Variants in KCNQ1 observed in about 807,000 individuals in gnomAD.
KCNQ1 encodes potassium voltage-gated channel subfamily KQT member 1.
KCNQ1 carries 49 observed loss-of-function variants against 72.4 expected under a neutral mutation model. That is an observed-to-expected ratio of 0.68 (90% CI 0.54 to 0.86). The LOEUF (loss-of-function observed/expected upper bound fraction) is 0.86, where lower values mean the gene tolerates loss of function less well. KCNQ1 is among the 40% of genes least tolerant of loss of function. KCNQ1 has a pLI of 0.00. For synonymous variants in KCNQ1, 450 were observed against 412.6 expected, an observed-to-expected ratio of 1.09 and a Z score of -1.10; for missense variants, 790 against 945.1, an observed-to-expected ratio of 0.84 and a Z score of 2.15.
In KCNQ1 at chr11:2,826,723, G is replaced by A. The variant is rs566036031; in HGVS notation, c.1795-21044G>A. Among the ~76,000 whole-genome samples the A allele has an allele frequency of 5.2e-4, 79 of 152,328 alleles. No individual in the cohort carries two copies. Among genetic ancestry groups the A allele is most frequent in the East Asian group, 1.9e-4 (1 of 5,188 alleles). ...CACGGGGCTCCCCTGGGCACCCCTC[G>A]TCTTGGGGCCCCTGCCCTGCCTCCA... On this transcript the variant is annotated intron_variant, in intron 15 of 15. Transcript: ENST00000155840. This position sits in a 1 kb window ranked among gnomAD's most constrained non-coding sequence, Gnocchi z 4.2.
chr11:2,630,721 AT>A, intron 10 of KCNQ1: 5 of 398,404 alleles, frequency 1.3e-5, no homozygotes, highest in African/African-American at 2.1e-5. Context: ...TCATCCTTCC[AT>A]TTAAGCCTGA....
Position 2,458,498 on chromosome 11 carries a change from T to C in KCNQ1, c.386+13014T>C, listed in dbSNP as rs1172203431. ...CAGATGCCTGAGGCGGCAGTGCTGC[T>C]GAAGTCCTGCCAGGCTCCAGCTCCT... On this transcript the variant is annotated intron_variant, in intron 1 of 15. Transcript: ENST00000155840. This position sits in a 1 kb window ranked among gnomAD's most constrained non-coding sequence, Gnocchi z 4.6. 6.6e-6 allele frequency among the ~76,000 whole-genome samples: 1 copy of C among 152,236 alleles called. No individual in the cohort carries two copies. The highest frequency in any genetic ancestry group is 1.9e-4 in the East Asian group (1 of 5,190).
At chr11:2,472,355 T>C (rs1471796857) in intron 1 of KCNQ1, among the ~76,000 whole-genome samples, 6 of 151,454 alleles carry the variant, frequency 4.0e-5, no homozygotes, top group African/African-American at 1.5e-4. Flanking sequence ...TGTTTGTGGG[T>C]GTGTGTGTAC....
Position 2,565,343 on chromosome 11 carries a change from G to A in KCNQ1, c.478-5285G>A, listed in dbSNP as rs1490667592. On this transcript the variant is annotated intron_variant, in intron 2 of 15. Transcript: ENST00000155840. This position sits in a 1 kb window ranked among gnomAD's most constrained non-coding sequence, Gnocchi z 5.6. Reference sequence around the variant, plus strand: ...GGATGAGAGGTGGCATCTCGTTGTGGTCTTGATTTGCATTTCCCTGATGAT... The same window carrying A: ...GGATGAGAGGTGGCATCTCGTTGTGATCTTGATTTGCATTTCCCTGATGAT... Among the ~76,000 whole-genome samples the A allele has an allele frequency of 1.3e-5, 2 of 152,114 alleles. No individual in the cohort carries two copies. The highest frequency in any genetic ancestry group is 2.9e-5 in the Non-Finnish European group (2 of 68,020).
rs1295579525 is a variant in KCNQ1 at position 2,734,527 on chromosome 11, AG to A, written c.1515-34316del. 6.6e-6 allele frequency among the ~76,000 whole-genome samples: 1 copy of A among 152,066 alleles called. No individual in the cohort carries two copies. The highest frequency in any genetic ancestry group is 1.5e-5 in the Non-Finnish European group (1 of 68,008). On this transcript the variant is annotated intron_variant, in intron 11 of 15. Transcript: ENST00000155840. This position sits in a 1 kb window ranked among gnomAD's most constrained non-coding sequence, Gnocchi z 7.0. ...CAGGGTAGGACGGGCCCCTTGGCTG[AG>A]AGCCAGATGTGGGGAGCGGGGCTGT...
intron 1 of KCNQ1, among the ~76,000 whole-genome samples, chr11:2,512,407 C>T (rs990769221): frequency 6.6e-6 from 1 of 152,172 alleles, no homozygotes; most frequent in Non-Finnish European, 1.5e-5. Flanking sequence ...ATATGCCTAC[C>T]TCCCTCTCTG....
rs1053670694 is a variant in KCNQ1 at position 2,565,927 on chromosome 11, C to A, written c.478-4701C>A. On this transcript the variant is annotated intron_variant, in intron 2 of 15. Coordinates refer to ENST00000155840, the MANE Select transcript of KCNQ1 (RefSeq NM_000218.3). This position sits in a 1 kb window ranked among gnomAD's most constrained non-coding sequence, Gnocchi z 5.6. Reference sequence around the variant, plus strand: ...GGTCCTGGTGGCTCTTGTGCCTGCACCCGCCTTGGGGCCATCTGACACCCA... The same window carrying A: ...GGTCCTGGTGGCTCTTGTGCCTGCAACCGCCTTGGGGCCATCTGACACCCA... Among the ~76,000 whole-genome samples, 3 of 152,284 alleles carry A rather than the reference C, an allele frequency of 2.0e-5. No individual in the cohort carries two copies. The East Asian group carries it at 5.8e-4, about 29-fold the overall frequency.
chr11:2,656,638 C>T, intron 10 of KCNQ1: 1 of 398,352 alleles, frequency 2.5e-6, no homozygotes. Flanking sequence ...TATATTTTTC[C>T]TATTGATTTG....
intron 2 of KCNQ1, among the ~76,000 whole-genome samples, chr11:2,535,643 C>T (rs948763186): frequency 6.6e-6 from 1 of 152,226 alleles, no homozygotes; most frequent in Admixed American, 6.5e-5. Context: ...TGTGGCGTCT[C>T]TCTCATGCGC....
chr11:2,805,193 AG>A (rs1369123369), intron 15 of KCNQ1, among the ~76,000 whole-genome samples: 1 of 152,146 alleles, frequency 6.6e-6, no homozygotes, highest in Non-Finnish European at 1.5e-5. Flanking sequence ...TAGAAGACGC[AG>A]GGGTGGTTCA....
intron 2 of KCNQ1, among the ~76,000 whole-genome samples, chr11:2,568,757 C>A (rs1274052553): frequency 1.3e-5 from 2 of 152,218 alleles, no homozygotes; most frequent in African/African-American, 4.8e-5. Flanking sequence ...CTAAGGAGCT[C>A]AGCCGGACCT....
intron 2 of KCNQ1, among the ~76,000 whole-genome samples, chr11:2,542,354 G>C (rs554042817): frequency 6.6e-6 from 1 of 152,232 alleles, no homozygotes; most frequent in South Asian, 2.1e-4. Flanking sequence ...AAGGGGCCCC[G>C]TGCCCACCAA....
intron 1 of KCNQ1, among the ~76,000 whole-genome samples, chr11:2,455,189 C>G (rs527951974): frequency 6.6e-6 from 1 of 152,092 alleles, no homozygotes; most frequent in East Asian, 1.9e-4. Flanking sequence ...GCTCTGCCTC[C>G]CAGGTTCACA....
intron 11 of KCNQ1, chr11:2,666,311 A>G (rs1850066301): frequency 2.5e-6 from 1 of 398,668 alleles, no homozygotes; most frequent in Non-Finnish European, 4.4e-6. Context: ...AAAGCTGCAG[A>G]GACCCCCACC....
Position 2,497,453 on chromosome 11 carries a change from C to G in KCNQ1, c.387-30475C>G, listed in dbSNP as rs184327919. ...CTGATATCCTTTCTTCCACTTGATT[C>G]ATTTGGCTATTGATACTTGTGTATG... is the stretch of plus-strand genomic sequence containing the variant. On this transcript the variant is annotated intron_variant, in intron 1 of 15. Coordinates refer to ENST00000155840, the MANE Select transcript of KCNQ1 (RefSeq NM_000218.3). The surrounding 1 kb of genome is among the most constrained non-coding windows in gnomAD (Gnocchi z 4.5). Among the ~76,000 whole-genome samples the G allele has an allele frequency of 2.4e-3, 362 of 152,174 alleles. No individual in the cohort carries two copies. The highest frequency in any genetic ancestry group is 7.9e-3 in the African/African-American group (330 of 41,514).
At chr11:2,747,652 A>T (rs983898216) in intron 11 of KCNQ1, among the ~76,000 whole-genome samples, 1 of 152,228 alleles carries the variant, frequency 6.6e-6, no homozygotes, top group African/African-American at 2.4e-5. Context: ...GAGGAAAGGA[A>T]GATGGCTTTG....
intron 1 of KCNQ1, among the ~76,000 whole-genome samples, chr11:2,525,548 G>T (rs1847484089): frequency 6.6e-6 from 1 of 152,252 alleles, no homozygotes; most frequent in Non-Finnish European, 1.5e-5. Flanking sequence ...GCAGTGTGGA[G>T]GGTGGGGGTG....
At position 2,698,835 on chromosome 11, in the gene KCNQ1, A is replaced by G. The variant is rs942112641; in HGVS notation, c.1514+36754A>G. 4 of 398,478 alleles carry G rather than the reference A, an allele frequency of 1.0e-5. No homozygotes were observed. In the Admixed American group the frequency reaches 1.8e-4, roughly 18 times the overall value. The allele number at this position is 398,478 out of a possible 1,614,324, so 24.7% of individuals were successfully genotyped here. ...TGTCCCTAATGAGGCCCTACCTAAA[A>G]CCACCATGCGGACTCCAGACCCGGA... On this transcript the variant is annotated intron_variant, in intron 11 of 15. Coordinates refer to ENST00000155840, the MANE Select transcript of KCNQ1 (RefSeq NM_000218.3). The surrounding 1 kb of genome is among the most constrained non-coding windows in gnomAD (Gnocchi z 5.1).
intron 15 of KCNQ1, among the ~76,000 whole-genome samples, chr11:2,801,945 C>A (rs2134026354): frequency 6.6e-6 from 1 of 152,374 alleles, no homozygotes; most frequent in African/African-American, 2.4e-5. Context: ...GAGCCCCGGG[C>A]AGGCCCAAGC....
Sources: allele counts gnomAD v4.1 joint callset (sites outside exome capture counted in the v4.1 genomes callset), GRCh38; gene constraint gnomAD v4.1.1; non-coding constraint Gnocchi (gnomAD v3.1); transcripts MANE v1.5; gene names NCBI Gene and HGNC (gene_info 2026-07-23, HGNC 2026-07-21).